Variants in KIAA1328 observed in about 807,000 individuals in gnomAD.
KIAA1328 encodes KIAA1328.
Under a neutral mutation model 68.1 loss-of-function variants are expected in KIAA1328, and 52 were observed. The observed-to-expected ratio is 0.76, with a 90% CI of 0.61 to 0.96. The LOEUF (loss-of-function observed/expected upper bound fraction) is 0.96, where lower values mean the gene tolerates loss of function less well. KIAA1328 is among the 40% of genes least tolerant of loss of function. The pLI is 0.00. For synonymous variants in KIAA1328, 232 were observed against 239.4 expected (o/e 0.97, Z 0.28); for missense variants, 641 against 677.6 (o/e 0.95, Z 0.60).
At chr18:37,149,973 G>A (rs1409571872) in intron 7 of KIAA1328, among the ~76,000 whole-genome samples, 2 of 152,168 alleles carry the variant, frequency 1.3e-5, no homozygotes, top group Non-Finnish European at 2.9e-5. Context: ...ATGAAGGAAT[G>A]TTGTGAACAA....
chr18:37,167,790 C>G (rs1387982071), intron 8 of KIAA1328, among the ~76,000 whole-genome samples: 1 of 152,064 alleles, frequency 6.6e-6, no homozygotes, highest in Non-Finnish European at 1.5e-5. Flanking sequence ...AGCAGGAGTG[C>G]TTGTCCTCAC....
At chr18:36,891,763 A>G (rs568968746) in intron 5 of KIAA1328, among the ~76,000 whole-genome samples, 4 of 152,312 alleles carry the variant, frequency 2.6e-5, no homozygotes, top group African/African-American at 7.2e-5. Flanking sequence ...GTGCTGCTAT[A>G]AACATCCATG....
intron 5 of KIAA1328, among the ~76,000 whole-genome samples, chr18:36,940,982 A>T (rs191273541): frequency 3.3e-5 from 5 of 152,120 alleles, no homozygotes; most frequent in Admixed American, 3.3e-4. Flanking sequence ...CCGAGTGCTC[A>T]TTTTTCTTAT....
At chr18:37,148,900 T>C (rs917051332) in intron 7 of KIAA1328, among the ~76,000 whole-genome samples, 3 of 152,200 alleles carry the variant, frequency 2.0e-5, no homozygotes, top group Non-Finnish European at 4.4e-5. Context: ...TGCAAAAATT[T>C]TACCCCACTA....
chr18:36,849,116 G>A (rs1037498361), intron 4 of KIAA1328, among the ~76,000 whole-genome samples: 4 of 151,618 alleles, frequency 2.6e-5, no homozygotes, highest in South Asian at 2.1e-4. Flanking sequence ...TCACATTGTC[G>A]TGCAACCAGT....
chr18:36,964,367 T>C (rs1054978516), intron 6 of KIAA1328, among the ~76,000 whole-genome samples: 3 of 152,212 alleles, frequency 2.0e-5, no homozygotes, highest in African/African-American at 7.2e-5. Flanking sequence ...ATGATGACGA[T>C]GGCAGCAGAT....
chr18:37,030,582 C>A (rs2054783268), intron 6 of KIAA1328, among the ~76,000 whole-genome samples: 1 of 151,996 alleles, frequency 6.6e-6, no homozygotes, highest in Admixed American at 6.6e-5. Flanking sequence ...ATGATCTGGC[C>A]AATTTTGGTA....
chr18:36,922,060 C>CTTT (rs879414277), intron 5 of KIAA1328, among the ~76,000 whole-genome samples: 2 of 145,896 alleles, frequency 1.4e-5, no homozygotes, highest in Non-Finnish European at 3.0e-5. Flanking sequence ...CCAGAGAATA[C>CTTT]TTTTTTTTTT....
chr18:36,908,641 A>G (rs983120260), intron 5 of KIAA1328, among the ~76,000 whole-genome samples: 1 of 152,184 alleles, frequency 6.6e-6, no homozygotes, highest in East Asian at 1.9e-4. Flanking sequence ...CACCTGGCCC[A>G]TGAAGATTTT....
chr18:37,073,925 G>C (rs900052356), intron 7 of KIAA1328, among the ~76,000 whole-genome samples: 1 of 152,164 alleles, frequency 6.6e-6, no homozygotes, highest in East Asian at 1.9e-4. Context: ...TTTGTGGCAT[G>C]ATGAGTGATT....
At chr18:37,117,828 T>C (rs1394333357) in intron 7 of KIAA1328, among the ~76,000 whole-genome samples, 1 of 151,542 alleles carries the variant, frequency 6.6e-6, no homozygotes, top group Non-Finnish European at 1.5e-5. Context: ...GCATCTCACG[T>C]TAGATGATAG....
Position 36,929,287 on chromosome 18 carries a change from C to T in KIAA1328, c.449-30021C>T, listed in dbSNP as rs181342296. Among the ~76,000 whole-genome samples, 156 of 152,230 alleles carry T rather than the reference C, an allele frequency of 1.0e-3. 2 individuals carry two copies. Among genetic ancestry groups the T allele is most frequent in the African/African-American group, 3.7e-3 (154 of 41,544 alleles). On this transcript the variant is annotated intron_variant, in intron 5 of 9. Transcript: ENST00000280020. Reference sequence around the variant, plus strand: ...CCTTAACATTTACTTTAATGTCTGACATTGTATTAAAGAACTGCAGACACT... The same window carrying T: ...CCTTAACATTTACTTTAATGTCTGATATTGTATTAAAGAACTGCAGACACT...
chr18:37,040,397 A>G (rs548349618), intron 6 of KIAA1328, among the ~76,000 whole-genome samples: 122 of 152,272 alleles, frequency 8.0e-4, no homozygotes, highest in African/African-American at 2.9e-3. Flanking sequence ...TTCAATTTCT[A>G]TAAGGTCAGC....
chr18:36,916,103 A>G (rs544326730), intron 5 of KIAA1328, among the ~76,000 whole-genome samples: 1 of 152,320 alleles, frequency 6.6e-6, no homozygotes, highest in Admixed American at 6.5e-5. Flanking sequence ...CTTTTTGAAC[A>G]TAAACATTTA....
chr18:37,100,133 G>A (rs2057556192), intron 7 of KIAA1328, among the ~76,000 whole-genome samples: 2 of 152,166 alleles, frequency 1.3e-5, no homozygotes, highest in South Asian at 4.1e-4. Flanking sequence ...TCCAACTGAG[G>A]TACCAGGTTC....
intron 6 of KIAA1328, among the ~76,000 whole-genome samples, chr18:37,005,521 G>T (rs1314318084): frequency 6.6e-6 from 1 of 151,684 alleles, no homozygotes; most frequent in African/African-American, 2.4e-5. Context: ...AAGTAGTACA[G>T]CCACTAAGGA....
At chr18:37,139,415 A>G (rs920398310) in intron 7 of KIAA1328, among the ~76,000 whole-genome samples, 1 of 152,178 alleles carries the variant, frequency 6.6e-6, no homozygotes, top group Non-Finnish European at 1.5e-5. Context: ...GCTTGTATTC[A>G]TTGGCAGCCA....
At chr18:37,079,649 G>T (rs1050042955) in intron 7 of KIAA1328, among the ~76,000 whole-genome samples, 4 of 151,980 alleles carry the variant, frequency 2.6e-5, no homozygotes, top group Non-Finnish European at 5.9e-5. Context: ...AGCACTTTGG[G>T]AGGCCGAGGT....
intron 4 of KIAA1328, among the ~76,000 whole-genome samples, chr18:36,881,782 A>G (rs2048336460): frequency 6.6e-6 from 1 of 152,214 alleles, no homozygotes; most frequent in Non-Finnish European, 1.5e-5. Context: ...GGTATCATGT[A>G]TTACTACCTA....
Sources: gnomAD v4.1 joint callset for allele counts (sites outside exome capture counted in the v4.1 genomes callset) on GRCh38, gnomAD v4.1.1 for gene constraint, MANE v1.5 for transcripts, NCBI Gene and HGNC (gene_info 2026-07-23, HGNC 2026-07-21) for gene names.